The following USH2A variants were observed in gnomAD, a reference collection of about 807,000 sequenced individuals.
USH2A encodes the protein Usher syndrome 2A (autosomal recessive, mild).
In USH2A, 443 loss-of-function variants were observed where a neutral mutation model predicts 538.9. That is an observed-to-expected ratio of 0.82 (90% CI 0.76 to 0.89). USH2A has a LOEUF of 0.89. Among genes scored for constraint, USH2A ranks in the 40% least tolerant of loss-of-function variants. The pLI is 0.00. For synonymous variants in USH2A, 2,413 were observed against 2,273.5 expected (o/e 1.06, Z -1.75); for missense variants, 6,633 against 6,324.8 (o/e 1.05, Z -1.65).
At chr1:215,705,370 T>A (rs983651384) in intron 61 of USH2A, among the ~76,000 whole-genome samples, 1 of 152,196 alleles carries the variant, frequency 6.6e-6, no homozygotes, top group Admixed American at 6.5e-5. Context: ...GAAGCCATTT[T>A]AAGTGGCAAT....
chr1:215,924,611 T>C (rs1666189461), intron 38 of USH2A, among the ~76,000 whole-genome samples: 1 of 152,030 alleles, frequency 6.6e-6, no homozygotes, highest in Admixed American at 6.6e-5. Flanking sequence ...GACATGATTT[T>C]TTTTTTTAAG....
chr1:216,036,617 G>C (rs910344542), intron 32 of USH2A, among the ~76,000 whole-genome samples: 3 of 152,126 alleles, frequency 2.0e-5, no homozygotes, highest in Non-Finnish European at 4.4e-5. Flanking sequence ...TATATGGTTT[G>C]TTTGTTGCTA....
intron 21 of USH2A, among the ~76,000 whole-genome samples, chr1:216,166,061 C>T (rs186803275): frequency 1.7e-4 from 26 of 151,962 alleles, no homozygotes; most frequent in African/African-American, 4.1e-4. Flanking sequence ...TAATAGAATG[C>T]GGTAAGAGCT....
chr1:215,682,860 T>C (rs1409392933), intron 61 of USH2A, among the ~76,000 whole-genome samples: 1 of 151,778 alleles, frequency 6.6e-6, no homozygotes, highest in Non-Finnish European at 1.5e-5. Flanking sequence ...TTTATTTATT[T>C]ATTTAATTTA....
intron 19 of USH2A, among the ~76,000 whole-genome samples, chr1:216,193,652 A>C (rs1295234617): frequency 6.6e-6 from 1 of 152,110 alleles, no homozygotes; most frequent in Non-Finnish European, 1.5e-5. Context: ...ACGGACACAC[A>C]GACCCAGAGG....
At chr1:216,361,251 A>G (rs2038485902) in intron 4 of USH2A, among the ~76,000 whole-genome samples, 2 of 152,146 alleles carry the variant, frequency 1.3e-5, no homozygotes, top group South Asian at 2.1e-4. Flanking sequence ...ACCTCAAAAA[A>G]TCTATTCCAG....
chr1:216,067,518 A>G (rs1162242353), intron 30 of USH2A, among the ~76,000 whole-genome samples: 1 of 151,444 alleles, frequency 6.6e-6, no homozygotes, highest in Non-Finnish European at 1.5e-5. Context: ...AAAGGCTATG[A>G]AAAAGATGAA....
At chr1:215,857,177 G>A (rs984643465) in intron 44 of USH2A, among the ~76,000 whole-genome samples, 12 of 152,004 alleles carry the variant, frequency 7.9e-5, no homozygotes, top group Non-Finnish European at 1.6e-4. Flanking sequence ...GAACTTATTC[G>A]TGTACAAATA....
chr1:215,901,622 G>T (rs115735679), intron 38 of USH2A, among the ~76,000 whole-genome samples: 1 of 152,086 alleles, frequency 6.6e-6, no homozygotes, highest in African/African-American at 2.4e-5. Context: ...CGGCAAATCT[G>T]TTCTGACTTC....
intron 49 of USH2A, among the ~76,000 whole-genome samples, chr1:215,808,065 T>C (rs1662552967): frequency 6.6e-6 from 1 of 152,060 alleles, no homozygotes; most frequent in Admixed American, 6.6e-5. Context: ...AGAACCAATA[T>C]CTTATTCACT....
rs1261176260 is a variant in USH2A at position 216,117,803 on chromosome 1, C to CAT, written c.4628-20592_4628-20591dup. The stretch of plus-strand genomic sequence containing the variant: ...AGACACACATACACACACAGACACA[C>CAT]ATATATATATGTATATATATATACA... On this transcript the variant is annotated intron_variant, in intron 21 of 71. Transcript: ENST00000307340. Among the ~76,000 whole-genome samples, 32 of 149,402 alleles carry CAT rather than the reference C, an allele frequency of 2.1e-4. 1 individual carries two copies. The South Asian group carries it at 5.1e-3, about 24-fold the overall frequency.
chr1:215,714,767 G>C (rs1659434758), intron 61 of USH2A, among the ~76,000 whole-genome samples: 1 of 152,162 alleles, frequency 6.6e-6, no homozygotes, highest in Non-Finnish European at 1.5e-5. Context: ...AAAGCTTGGA[G>C]GATTGTGCAG....
At chr1:216,096,992 G>A (rs2032455800) in intron 22 of USH2A, 91 bp downstream of exon 22, 3 of 1,294,138 alleles carry the variant, frequency 2.3e-6, no homozygotes, top group East Asian at 2.5e-5. Context: ...AGGTTTGAAT[G>A]AAGATTCAGT....
At chr1:216,200,847 G>T (rs1233178144) in intron 16 of USH2A, among the ~76,000 whole-genome samples, 1 of 152,140 alleles carries the variant, frequency 6.6e-6, no homozygotes, top group East Asian at 1.9e-4. Flanking sequence ...AGTGGCTGCT[G>T]CCTGCTCCGC....
intron 60 of USH2A, among the ~76,000 whole-genome samples, chr1:215,732,540 CTTTCTTTTTT>C: frequency 1.2e-5 from 1 of 83,508 alleles, no homozygotes; most frequent in South Asian, 4.2e-4. Context: ...CTCCTTTTTT[CTTTCTTTTTT>C]TTTTTTTTTT....
intron 20 of USH2A, among the ~76,000 whole-genome samples, chr1:216,177,234 A>T (rs925438354): frequency 6.6e-6 from 1 of 152,114 alleles, no homozygotes; most frequent in African/African-American, 2.4e-5. Flanking sequence ...TGGTGTTGTC[A>T]GTGTTCCAGA....
intron 21 of USH2A, among the ~76,000 whole-genome samples, chr1:216,173,682 T>A (rs1482622083): frequency 6.6e-6 from 1 of 152,050 alleles, no homozygotes; most frequent in East Asian, 1.9e-4. Flanking sequence ...ATGACCAAAT[T>A]TATTAACGGT....
intron 56 of USH2A, among the ~76,000 whole-genome samples, chr1:215,760,535 A>T (rs1251898733): frequency 6.6e-6 from 1 of 152,186 alleles, no homozygotes; most frequent in Non-Finnish European, 1.5e-5. Context: ...TGTGAGACTC[A>T]AGAATCCAAC....
intron 38 of USH2A, among the ~76,000 whole-genome samples, chr1:215,919,175 C>T (rs1187936528): frequency 1.3e-5 from 2 of 151,882 alleles, no homozygotes; most frequent in East Asian, 3.9e-4. Flanking sequence ...TTATAGGGTC[C>T]TTCTCCTTAA....
Sources: gnomAD v4.1 joint callset for allele counts (sites outside exome capture counted in the v4.1 genomes callset) on GRCh38, gnomAD v4.1.1 for gene constraint, MANE v1.5 for transcripts, NCBI Gene and HGNC (gene_info 2026-07-23, HGNC 2026-07-21) for gene names.